The following PPP2R2D variants were observed in gnomAD, a reference collection of about 807,000 sequenced individuals.
The protein encoded by PPP2R2D is protein phosphatase 2 regulatory subunit Bdelta.
Under a neutral mutation model 31.1 loss-of-function variants are expected in PPP2R2D, and 9 were observed. The ratio of observed to expected loss-of-function variants is 0.29; its 90% CI spans 0.17 to 0.51. The LOEUF (loss-of-function observed/expected upper bound fraction) is 0.51. PPP2R2D is among the 20% of genes least tolerant of loss of function. The probability of loss-of-function intolerance (pLI) is 0.98; values close to 1 mark genes in which losing one functional copy is unlikely to be tolerated. For missense variants in PPP2R2D, 391 were observed against 465.6 expected (o/e 0.84, Z 1.48); for synonymous variants, 179 against 172.6 (o/e 1.04, Z -0.29).
At chr10:131,950,188 CAG>C (rs1333165609) in intron 8 of PPP2R2D, among the ~76,000 whole-genome samples, 1 of 151,990 alleles carries the variant, frequency 6.6e-6, no homozygotes, top group Admixed American at 6.6e-5. Flanking sequence ...AAGAGCCAAA[CAG>C]AAAACAAGAG....
chr10:131,905,656 A>G (rs1242860923), intron 2 of PPP2R2D, among the ~76,000 whole-genome samples: 2 of 152,202 alleles, frequency 1.3e-5, no homozygotes, highest in African/African-American at 2.4e-5. Flanking sequence ...CCGAAGAAGG[A>G]AGGAAATACT....
At chr10:131,933,814 G>GC (rs1420975679) in intron 2 of PPP2R2D, among the ~76,000 whole-genome samples, 2 of 151,908 alleles carry the variant, frequency 1.3e-5, no homozygotes, top group African/African-American at 2.4e-5. Context: ...TGTTCCTTCT[G>GC]CCCCGGGGTC....
chr10:131,949,270 C>T (rs76279560), intron 8 of PPP2R2D, among the ~76,000 whole-genome samples: 1 of 152,306 alleles, frequency 6.6e-6, no homozygotes, highest in East Asian at 1.9e-4. Flanking sequence ...TGGAGAACCC[C>T]ACTGCTTTCA....
chr10:131,947,234 T>C lies in PPP2R2D; in HGVS notation c.821-296T>C, dbSNP rs1219925717. ...CCCGAGGAGCTCCCACAGATGGCAGTGCCCAGGACCTTGCCTAGAGATTCT... is the reference window on the plus strand; with the variant it reads ...CCCGAGGAGCTCCCACAGATGGCAGCGCCCAGGACCTTGCCTAGAGATTCT... On this transcript the variant is annotated intron_variant, in intron 7 of 8. Transcript: ENST00000455566. This position sits in a 1 kb window ranked among gnomAD's most constrained non-coding sequence, Gnocchi z 4.3. Among the ~76,000 whole-genome samples the C allele has an allele frequency of 6.6e-6, 1 of 152,182 alleles. No homozygotes were observed. The highest frequency in any genetic ancestry group is 1.5e-5 in the Non-Finnish European group (1 of 68,024).
At chr10:131,938,245 G>T (rs782062724) in intron 3 of PPP2R2D, among the ~76,000 whole-genome samples, 10 of 152,228 alleles carry the variant, frequency 6.6e-5, no homozygotes, top group Non-Finnish European at 1.3e-4. Flanking sequence ...CATCTGTTTA[G>T]ACTTGAAAGT....
chr10:131,945,650 G>A lies in PPP2R2D; in HGVS notation c.820+191G>A. On this transcript the variant is annotated intron_variant, in intron 7 of 8. Transcript: ENST00000455566. This position sits in a 1 kb window ranked among gnomAD's most constrained non-coding sequence, Gnocchi z 4.8. Reference sequence around the variant, plus strand: ...AGTTTTTGTATTTTTAGTACAGACAGGGTTTCACCATGTTGACCAGACTGG... The same window carrying A: ...AGTTTTTGTATTTTTAGTACAGACAAGGTTTCACCATGTTGACCAGACTGG... 1.6e-6 allele frequency: 1 copy of A among 642,188 alleles called. No individual in the cohort carries two copies. Among genetic ancestry groups the A allele is most frequent in the Non-Finnish European group, 2.6e-6 (1 of 384,406 alleles). 39.8% of individuals were successfully genotyped at this position (642,188 alleles called of 1,614,324 possible).
intron 2 of PPP2R2D, among the ~76,000 whole-genome samples, chr10:131,915,116 G>C (rs1182239172): frequency 6.6e-6 from 1 of 150,678 alleles, no homozygotes; most frequent in African/African-American, 2.5e-5. Context: ...CAATAGTTCT[G>C]TTCCAGAATC....
At chr10:131,928,008 G>C (rs957053423) in intron 2 of PPP2R2D, among the ~76,000 whole-genome samples, 2 of 152,200 alleles carry the variant, frequency 1.3e-5, no homozygotes, top group African/African-American at 4.8e-5. Context: ...GATATTGTCC[G>C]ATGGTTTTCA....
At chr10:131,908,367 C>T (rs1425389340) in intron 2 of PPP2R2D, among the ~76,000 whole-genome samples, 6 of 152,178 alleles carry the variant, frequency 3.9e-5, no homozygotes, top group African/African-American at 1.4e-4. Context: ...TCCCACTTGG[C>T]GAGTCCCTGC....
chr10:131,915,436 C>T (rs1554892933), intron 2 of PPP2R2D, among the ~76,000 whole-genome samples: 1 of 152,162 alleles, frequency 6.6e-6, no homozygotes, highest in African/African-American at 2.4e-5. Flanking sequence ...AATAAATAAA[C>T]ACCCACATAC....
At chr10:131,970,488 C>T in the PPP2R2D span, 8 of 1,191,678 alleles carry the variant, frequency 6.7e-6, no homozygotes, top group South Asian at 7.9e-5. The surrounding 1 kb of genome is among the most constrained non-coding windows in gnomAD (Gnocchi z 4.1). Flanking sequence ...GGTTTCTGGA[C>T]CTGAACAGTG....
chr10:131,919,622 CAG>C (rs34061402), intron 2 of PPP2R2D, among the ~76,000 whole-genome samples: 4,610 of 126,782 alleles, frequency 0.036, 434 homozygotes, highest in Non-Finnish European at 0.056. Flanking sequence ...TGGAATGACA[CAG>C]TGTTTGTAGG....
chr10:131,908,198 A>T (rs2035628224), intron 2 of PPP2R2D, among the ~76,000 whole-genome samples: 1 of 152,090 alleles, frequency 6.6e-6, no homozygotes, highest in Admixed American at 6.5e-5. Context: ...ATCTACCCAG[A>T]TCCCTTCCAC....
intron 8 of PPP2R2D, among the ~76,000 whole-genome samples, chr10:131,952,041 C>G (rs990136129): frequency 7.0e-6 from 1 of 142,818 alleles, no homozygotes; most frequent in South Asian, 2.3e-4. Context: ...AGGGGGTTCA[C>G]CACCTTACCA....
intron 2 of PPP2R2D, among the ~76,000 whole-genome samples, chr10:131,931,393 G>C (rs2036223737): frequency 6.6e-6 from 1 of 152,164 alleles, no homozygotes; most frequent in South Asian, 2.1e-4. Flanking sequence ...TGTTGCCCAG[G>C]CTGGAGTGCA....
At chr10:131,935,403 AATTTGTGTGACGAACTTT>A (rs1276995591) in intron 3 of PPP2R2D, among the ~76,000 whole-genome samples, 1 of 152,084 alleles carries the variant, frequency 6.6e-6, no homozygotes, top group African/African-American at 2.4e-5. Context: ...CTGGTCTCTA[AATTTGTGTGACGAACTTT>A]GGTTTAGAGG....
the PPP2R2D span, chr10:131,970,999 T>A: frequency 6.3e-7 from 1 of 1,599,736 alleles, no homozygotes; most frequent in Non-Finnish European, 8.5e-7. This position sits in a 1 kb window ranked among gnomAD's most constrained non-coding sequence, Gnocchi z 4.1. Flanking sequence ...TAAAGGCAGA[T>A]CAGTGTACCA....
downstream of PPP2R2D, among the ~76,000 whole-genome samples, chr10:131,963,867 C>T (rs1554901839): frequency 2.0e-5 from 3 of 152,218 alleles, no homozygotes; most frequent in African/African-American, 2.4e-5. Context: ...GGACTCACAC[C>T]GTGCAGGGCT....
At chr10:131,966,156 C>A in the PPP2R2D span, among the ~76,000 whole-genome samples, 1 of 152,194 alleles carries the variant, frequency 6.6e-6, no homozygotes, top group Non-Finnish European at 1.5e-5. Context: ...CTCTCTCTTG[C>A]AGCCATGTGC....
Sources: gnomAD v4.1 joint callset for allele counts (sites outside exome capture counted in the v4.1 genomes callset) on GRCh38, gnomAD v4.1.1 for gene constraint, Gnocchi (gnomAD v3.1) non-coding constraint, MANE v1.5 for transcripts, NCBI Gene and HGNC (gene_info 2026-07-23, HGNC 2026-07-21) for gene names.